The following RHCE variants were observed in gnomAD, a reference collection of about 807,000 sequenced individuals.
The protein encoded by RHCE is blood group Rh(CE) polypeptide.
In RHCE, 22 loss-of-function variants were observed where a neutral mutation model predicts 43.8. The observed-to-expected ratio is 0.50, with a 90% CI of 0.36 to 0.72. RHCE has a LOEUF of 0.72. Among genes scored for constraint, RHCE ranks in the 30% least tolerant of loss-of-function variants. RHCE has a pLI of 0.00. For missense variants in RHCE, 385 were observed against 525.4 expected (o/e 0.73, Z 2.61); for synonymous variants, 156 against 210.7 (o/e 0.74, Z 2.25).
chr1:25,369,829 C>T (rs2124298960), intron 9 of RHCE, among the ~76,000 whole-genome samples: 1 of 149,532 alleles, frequency 6.7e-6, no homozygotes, highest in Admixed American at 6.7e-5. Flanking sequence ...ACCTCTGCCT[C>T]CTGATTTCAA....
At chr1:25,370,613 T>C in intron 8 of RHCE, 73 bp from the exon 9 acceptor site, 2 of 1,359,178 alleles carry the variant, frequency 1.5e-6, no homozygotes, top group South Asian at 2.4e-5. Flanking sequence ...AATCAAAATA[T>C]TGTGTGTGTC....
chr1:25,397,138 T>C lies in RHCE; in HGVS notation c.487-4997A>G, dbSNP rs577949268. Among the ~76,000 whole-genome samples, 11 of 104,236 alleles carry C rather than the reference T, an allele frequency of 1.1e-4. No individual in the cohort carries two copies. In the South Asian group the frequency reaches 2.8e-3, roughly 26 times the overall value. The allele number at this position is 104,236 out of a possible 152,430, so 68.4% of individuals were successfully genotyped here. On this transcript the variant is annotated intron_variant, in intron 3 of 9. Transcript: ENST00000294413. ...AAAAAAAAAAAAAAAAAAAAAGAAA[T>C]GTACACTGAAGTATTTAGGGGTTAA...
chr1:25,369,177 C>T (rs1019359793), intron 9 of RHCE, among the ~76,000 whole-genome samples: 1 of 151,720 alleles, frequency 6.6e-6, no homozygotes, highest in African/African-American at 2.4e-5. Context: ...CTCCCCAGGT[C>T]CTCTCTGCTT....
chr1:25,393,533 T>G (rs1037476143), intron 3 of RHCE, among the ~76,000 whole-genome samples: 1 of 152,100 alleles, frequency 6.6e-6, no homozygotes, highest in African/African-American at 2.4e-5. Flanking sequence ...AGGCAGGAGA[T>G]TCACTGGAAC....
At chr1:25,371,632 T>C (rs1645614786) in intron 8 of RHCE, among the ~76,000 whole-genome samples, 1 of 151,514 alleles carries the variant, frequency 6.6e-6, no homozygotes, top group African/African-American at 2.4e-5. Flanking sequence ...CTTTGCCTTC[T>C]AAAGGGCTGC....
intron 1 of RHCE, among the ~76,000 whole-genome samples, chr1:25,416,792 GTTTT>G (rs576244724): frequency 1.0e-5 from 1 of 99,606 alleles, no homozygotes. Flanking sequence ...AAATTTTACA[GTTTT>G]TTTTTTTTTT....
intron 1 of RHCE, 127 bp downstream of exon 1, chr1:25,420,512 A>C (rs2042737502): frequency 6.3e-7 from 1 of 1,584,216 alleles, no homozygotes; most frequent in Non-Finnish European, 8.6e-7. Flanking sequence ...TCTACGGAAG[A>C]AGATGGGGGA....
chr1:25,393,761 C>A (rs1007366451), intron 3 of RHCE, among the ~76,000 whole-genome samples: 2 of 151,960 alleles, frequency 1.3e-5, no homozygotes, highest in African/African-American at 4.8e-5. Flanking sequence ...ACCTCTCGGG[C>A]GTCACCTCCT....
rs542798870 is a variant in RHCE at position 25,411,024 on chromosome 1, G to A, written c.149-2155C>T. On this transcript the variant is annotated intron_variant, in intron 1 of 9. Coordinates refer to ENST00000294413, the MANE Select transcript of RHCE (RefSeq NM_020485.8). Reference sequence around the variant, plus strand: ...GGAGAATCGCTTGAACCCAGGAGGCGGAGGTTGCAGTGAGCTGAGACCGCA... The same window carrying A: ...GGAGAATCGCTTGAACCCAGGAGGCAGAGGTTGCAGTGAGCTGAGACCGCA... Among the ~76,000 whole-genome samples the A allele has an allele frequency of 3.4e-4, 51 of 152,044 alleles. 1 individual carries two copies. The highest frequency in any genetic ancestry group is 3.4e-3 in the Middle Eastern group (1 of 294).
intron 2 of RHCE, among the ~76,000 whole-genome samples, chr1:25,407,552 G>A (rs1223275120): frequency 2.4e-5 from 3 of 123,582 alleles, no homozygotes; most frequent in African/African-American, 7.5e-5. Flanking sequence ...GTCTTAGAAG[G>A]GGAGGCTGGA....
Position 25,402,704 on chromosome 1 carries a change from T to G in RHCE, c.378A>C (p.Ser126=). The change falls in exon 3 of 10, where the codon TCA becomes TCC. Residue 126 remains serine, a synonymous_variant. Coordinates refer to ENST00000294413, the MANE Select transcript of RHCE (RefSeq NM_020485.8). ...ATMSAMSVLI[S]AGAVLGKVNL... ...TGACCTTCCCCAAGACAGCACCCGCTGAGATCAGCACCGACATAGCACTCA... is the reference window on the plus strand; with the variant it reads ...TGACCTTCCCCAAGACAGCACCCGCGGAGATCAGCACCGACATAGCACTCA... 6.2e-7 allele frequency: 1 copy of G among 1,614,028 alleles called. No individual in the cohort carries two copies. The highest frequency in any genetic ancestry group is 8.5e-7 in the Non-Finnish European group (1 of 1,180,006).
At chr1:25,429,887 C>T (rs533999275) in intron 1 of RHCE, 2 of 152,230 alleles carry the variant, frequency 1.3e-5, no homozygotes, top group Non-Finnish European at 2.9e-5. Flanking sequence ...CTTTGCCATA[C>T]GTACGTGGCA....
At chr1:25,423,819 G>A (rs1403967455), upstream of RHCE, among the ~76,000 whole-genome samples, 2 of 152,102 alleles carry the variant, frequency 1.3e-5, no homozygotes, top group African/African-American at 2.4e-5. Context: ...GCTTTTCACC[G>A]TACAAGTCTT....
intron 5 of RHCE, 122 bp from the exon 6 acceptor site, chr1:25,389,235 T>C (rs1418191549): frequency 6.0e-6 from 9 of 1,489,332 alleles, no homozygotes; most frequent in Non-Finnish European, 8.3e-6. Flanking sequence ...TTGCTGATCC[T>C]GAAACCACCT....
Position 25,390,884 on chromosome 1 carries a change from A to G in RHCE, c.666T>C (p.Ser222=), listed in dbSNP as rs1261878413. 1 of 1,614,128 alleles carries G rather than the reference A, an allele frequency of 6.2e-7. No individual in the cohort carries two copies. The change falls in exon 5 of 10, where the codon AGT becomes AGC. Residue 222 remains serine (S), a synonymous_variant. Transcript: ENST00000294413. ...GACTTCTCAGCAGAGCAGAGTTGAC[A>G]CTTGGCCAGAACATCCACAAGAAGA... ...GALFLWMFWP[S]VNSALLRSPI... is the part of the protein sequence containing the mutation.
At chr1:25,427,080 C>G (rs1413411203) in intron 2 of RHCE, among the ~76,000 whole-genome samples, 2 of 151,680 alleles carry the variant, frequency 1.3e-5, no homozygotes, top group Non-Finnish European at 2.9e-5. Flanking sequence ...ATAGGTTTCT[C>G]TAGGGGATAC....
intron 7 of RHCE, among the ~76,000 whole-genome samples, chr1:25,383,237 C>A (rs1239083908): frequency 6.6e-6 from 1 of 152,234 alleles, no homozygotes; most frequent in Non-Finnish European, 1.5e-5. Context: ...ATGCTCCATC[C>A]TGGCTCTGAT....
chr1:25,401,673 A>C (rs1646747402), intron 3 of RHCE, among the ~76,000 whole-genome samples: 1 of 152,224 alleles, frequency 6.6e-6, no homozygotes, highest in Non-Finnish European at 1.5e-5. Context: ...CTGGCTGTAC[A>C]AACTTGCTGG....
intron 3 of RHCE, among the ~76,000 whole-genome samples, chr1:25,397,439 G>C (rs542620131): frequency 6.6e-6 from 1 of 151,814 alleles, no homozygotes; most frequent in Non-Finnish European, 1.5e-5. Flanking sequence ...AGAGGTTGCA[G>C]TGAGCCGAGA....
Sources: allele counts gnomAD v4.1 joint callset (sites outside exome capture counted in the v4.1 genomes callset), GRCh38; gene constraint gnomAD v4.1.1; transcripts MANE v1.5; gene names NCBI Gene and HGNC (gene_info 2026-07-23, HGNC 2026-07-21).